FRY: variants seen among roughly 807,000 people sequenced by gnomAD.
The protein encoded by FRY is FRY microtubule binding protein.
Under a neutral mutation model 348.4 loss-of-function variants are expected in FRY, and 128 were observed. That is an observed-to-expected ratio of 0.37 (90% CI 0.32 to 0.43). FRY has a LOEUF of 0.43. Among genes scored for constraint, FRY ranks in the 20% least tolerant of loss-of-function variants. FRY has a pLI of 1.00. For missense variants in FRY, 2,736 were observed against 3,695.2 expected, an observed-to-expected ratio of 0.74 and a Z score of 6.73; for synonymous variants, 1,370 against 1,374.7, an observed-to-expected ratio of 1.00 and a Z score of 0.08.
At chr13:32,048,279 G>A (rs1210546555) in intron 1 of FRY, among the ~76,000 whole-genome samples, 1 of 152,088 alleles carries the variant, frequency 6.6e-6, no homozygotes, top group Non-Finnish European at 1.5e-5. Context: ...TGTCTTTTGG[G>A]ATCTTTCTAT....
intron 11 of FRY, among the ~76,000 whole-genome samples, chr13:32,145,520 T>G (rs1880349902): frequency 6.9e-6 from 1 of 144,850 alleles, no homozygotes; most frequent in Non-Finnish European, 1.5e-5. Context: ...CCTCTCTGAC[T>G]GATTTGTTTT....
At chr13:32,175,698 GA>G in intron 20 of FRY, 66 bp downstream of exon 20, 1 of 924,594 alleles carries the variant, frequency 1.1e-6, no homozygotes, top group Non-Finnish European at 1.8e-6. Flanking sequence ...AATAGTCAGT[GA>G]AAAATTATGT....
At chr13:32,130,492 T>TGTGTGTA (rs1566087534) in intron 7 of FRY, among the ~76,000 whole-genome samples, 1 of 70,662 alleles carries the variant, frequency 1.4e-5, no homozygotes, top group African/African-American at 6.0e-5. Flanking sequence ...GTGTGTGTAT[T>TGTGTGTA]TTTTGGTGAA....
At chr13:32,149,091 A>G (rs111335957) in intron 13 of FRY, among the ~76,000 whole-genome samples, 1 of 148,334 alleles carries the variant, frequency 6.7e-6, no homozygotes, top group African/African-American at 2.4e-5. Context: ...AAAATTATAT[A>G]TATTAATTAT....
rs774140886 is a variant in FRY at position 32,237,820 on chromosome 13, G to A, written c.6252G>A (p.Lys2084=). 3.7e-6 allele frequency: 6 copies of A among 1,614,192 alleles called. No homozygotes were observed. The highest frequency in any genetic ancestry group is 5.1e-6 in the Non-Finnish European group (6 of 1,180,028). The change falls in exon 44 of 61, where the codon AAG becomes AAA. Residue 2084 remains lysine, a synonymous_variant. Coordinates refer to ENST00000542859, the MANE Select transcript of FRY (RefSeq NM_023037.3). This position sits in a 1 kb window ranked among gnomAD's most constrained non-coding sequence, Gnocchi z 6.3. ...TCGATAAGGCTGAGAACCGAGAAAA[G>A]CTTGAGAAACTCCAGGCACAGCTGA... ...MPLDKAENRE[K]LEKLQAQLKW...
At chr13:32,056,349 G>A (rs143599613) in intron 1 of FRY, among the ~76,000 whole-genome samples, 11 of 152,306 alleles carry the variant, frequency 7.2e-5, no homozygotes, top group African/African-American at 2.6e-4. Flanking sequence ...CTTGCTGTCA[G>A]AGGTACCCTG....
At position 32,146,502 on chromosome 13, in the gene FRY, A is replaced by T. The variant is rs185456851; in HGVS notation, c.1180-780A>T. On this transcript the variant is annotated intron_variant, in intron 11 of 60. Transcript: ENST00000542859. The stretch of plus-strand genomic sequence containing the variant: ...AGGCACCCGCCACCAGGCCCAGCTA[A>T]TTTTTGTATTTTTAGTAGAGACGGG... Among the ~76,000 whole-genome samples the T allele has an allele frequency of 2.3e-4, 35 of 151,828 alleles. No individual in the cohort carries two copies. The East Asian group carries it at 6.6e-3, about 29-fold the overall frequency.
chr13:32,274,656 A>G (rs1888417163), intron 55 of FRY, among the ~76,000 whole-genome samples, 186 bp from the exon 56 acceptor site: 1 of 140,864 alleles, frequency 7.1e-6, no homozygotes, highest in East Asian at 2.3e-4. Flanking sequence ...GTGAGCCGAG[A>G]TCGCGCCACT....
chr13:32,149,182 G>T (rs1017033137), intron 13 of FRY, among the ~76,000 whole-genome samples: 3 of 146,644 alleles, frequency 2.0e-5, no homozygotes, highest in African/African-American at 5.0e-5. Flanking sequence ...ATTAACTATT[G>T]TTATATATAT....
chr13:32,149,949 G>A, intron 14 of FRY, 115 bp downstream of exon 14: 1 of 718,946 alleles, frequency 1.4e-6, no homozygotes, highest in Non-Finnish European at 2.5e-6. Context: ...TCTTCTATTT[G>A]TTTCTGTCAA....
chr13:32,290,235 C>T (rs1440111028), intron 59 of FRY, among the ~76,000 whole-genome samples: 1 of 152,060 alleles, frequency 6.6e-6, no homozygotes, highest in African/African-American at 2.4e-5. Context: ...ATAACTTAAA[C>T]ATATTACTGC....
intron 1 of FRY, among the ~76,000 whole-genome samples, chr13:32,034,561 C>T (rs1872409781): frequency 6.6e-6 from 1 of 152,180 alleles, no homozygotes; most frequent in Non-Finnish European, 1.5e-5. Context: ...TGTCCTGTTG[C>T]TCTTCCCTGC....
At chr13:32,221,196 A>G (rs1233948501) in intron 36 of FRY, among the ~76,000 whole-genome samples, 1 of 152,188 alleles carries the variant, frequency 6.6e-6, no homozygotes, top group Non-Finnish European at 1.5e-5. Flanking sequence ...CAACAGGAAG[A>G]CACCCCTCCA....
At chr13:32,262,869 A>T (rs1201083070) in intron 53 of FRY, among the ~76,000 whole-genome samples, 1 of 152,082 alleles carries the variant, frequency 6.6e-6, no homozygotes, top group Non-Finnish European at 1.5e-5. Flanking sequence ...TATTTGGGGA[A>T]TTTTTTCCTT....
At chr13:32,040,154 C>G (rs1872695327) in intron 1 of FRY, among the ~76,000 whole-genome samples, 1 of 152,132 alleles carries the variant, frequency 6.6e-6, no homozygotes, top group African/African-American at 2.4e-5. Context: ...ATTAGATTAA[C>G]TAGGGCAATA....
intron 46 of FRY, among the ~76,000 whole-genome samples, chr13:32,242,523 A>T (rs1886569875): frequency 6.6e-6 from 1 of 150,734 alleles, no homozygotes; most frequent in African/African-American, 2.4e-5. Flanking sequence ...TTATTTACTC[A>T]TGTTTTTTGT....
At chr13:32,214,203 T>C (rs1884846852) in intron 35 of FRY, among the ~76,000 whole-genome samples, 1 of 152,238 alleles carries the variant, frequency 6.6e-6, no homozygotes, top group Admixed American at 6.5e-5. Context: ...AAATCCTTTT[T>C]TCTCCTCAGT....
chr13:32,049,463 G>A (rs765047379), intron 1 of FRY, among the ~76,000 whole-genome samples: 3 of 152,080 alleles, frequency 2.0e-5, no homozygotes, highest in East Asian at 3.9e-4. Flanking sequence ...TTTTTGGGAC[G>A]GAGTCTTGCT....
At chr13:32,173,819 A>G (rs1253767114) in intron 19 of FRY, among the ~76,000 whole-genome samples, 1 of 152,258 alleles carries the variant, frequency 6.6e-6, no homozygotes, top group African/African-American at 2.4e-5. Context: ...AATTTAGGCT[A>G]TGAATCATTT....
Sources: allele counts gnomAD v4.1 joint callset (sites outside exome capture counted in the v4.1 genomes callset), GRCh38; gene constraint gnomAD v4.1.1; non-coding constraint Gnocchi (gnomAD v3.1); transcripts MANE v1.5; gene names NCBI Gene and HGNC (gene_info 2026-07-23, HGNC 2026-07-21).